TBCD: variants seen among roughly 807,000 people sequenced by gnomAD.
TBCD encodes the protein tubulin-specific chaperone D.
TBCD carries 105 observed loss-of-function variants against 169.3 expected under a neutral mutation model. The observed-to-expected ratio is 0.62, with a 90% confidence interval of 0.53 to 0.73. The LOEUF (loss-of-function observed/expected upper bound fraction) is 0.73. Ranked by LOEUF, TBCD falls within the 30% of genes least tolerant of loss-of-function variation. TBCD has a pLI of 0.00. For missense variants in TBCD, 1,444 were observed against 1,600.1 expected (o/e 0.90, Z 1.66); for synonymous variants, 700 against 643.9 (o/e 1.09, Z -1.32).
intron 17 of TBCD, among the ~76,000 whole-genome samples, chr17:82,899,276 G>A (rs542037912): frequency 1.3e-4 from 19 of 147,890 alleles, no homozygotes; most frequent in East Asian, 2.0e-4. Flanking sequence ...TGTCCTCAGC[G>A]CGTGTGTCCT....
At chr17:82,754,242 GTGGC>G (rs1274774707) in intron 1 of TBCD, among the ~76,000 whole-genome samples, 2 of 152,244 alleles carry the variant, frequency 1.3e-5, no homozygotes, top group East Asian at 3.9e-4. Context: ...AAGGGTGGGG[GTGGC>G]TGATTGGTTA....
At chr17:82,757,634 AAACC>A (rs1307551151) in intron 2 of TBCD, among the ~76,000 whole-genome samples, 2,802 of 151,728 alleles carry the variant, frequency 0.018, 81 homozygotes, top group African/African-American at 0.065. Context: ...AAAAAAAAAA[AAACC>A]AAAAAAAACC....
At chr17:82,824,975 C>T (rs998959881) in intron 13 of TBCD, among the ~76,000 whole-genome samples, 8 of 151,448 alleles carry the variant, frequency 5.3e-5, no homozygotes, top group African/African-American at 7.3e-5. Context: ...CTCTAGGAAT[C>T]GATTTTGCTT....
chr17:82,924,139 A>G (rs1484475915), intron 26 of TBCD, among the ~76,000 whole-genome samples: 1 of 152,090 alleles, frequency 6.6e-6, no homozygotes, highest in Non-Finnish European at 1.5e-5. Flanking sequence ...TTTTTAGTAG[A>G]GACGGGGTTT....
rs774443883 is a variant in TBCD, at chr17:82,800,991, A to G, written c.945A>G (p.Ala315=). 3 of 1,385,224 alleles carry G rather than the reference A, an allele frequency of 2.2e-6. No individual in the cohort carries two copies. Among genetic ancestry groups the G allele is most frequent in the East Asian group, 4.1e-5 (1 of 24,528 alleles). The allele number at this position is 1,385,224 out of a possible 1,614,324, so 85.8% of individuals were successfully genotyped here. ...GLTFLKPKVA[A]WRYQRGCRSL... The stretch of plus-strand genomic sequence containing the variant: ...CATTCCTGAAGCCGAAGGTGGCAGC[A>G]TGGAGGTAGGCACCATGAGGGCGGT... The change falls in exon 9 of 39, where the codon GCA becomes GCG. Residue 315 remains alanine, a synonymous_variant. Transcript: ENST00000355528.
Position 82,893,607 on chromosome 17 carries a change from A to G in TBCD, c.1624A>G (p.Arg542Gly). The change falls in exon 17 of 39, where the codon AGA becomes GGA. Residue 542 changes from arginine (R) to glycine (G), a missense_variant. Physicochemically the swap from Arg to Gly is moderately radical, Grantham distance 125. Transcript: ENST00000355528. ...AGCTGACTATTTTGCCGTCGGTAACAGATCCAACTGTTTCCTGGTTATAAG... is the reference window on the plus strand; with the variant it reads ...AGCTGACTATTTTGCCGTCGGTAACGGATCCAACTGTTTCCTGGTTATAAG... ...TTADYFAVGN[R>G]SNCFLVISVF... is the part of the protein sequence containing the mutation. The G allele has an allele frequency of 5.0e-6, 8 of 1,610,880 alleles. No individual in the cohort carries two copies. Among genetic ancestry groups the G allele is most frequent in the Non-Finnish European group, 6.8e-6 (8 of 1,178,410 alleles).
At chr17:82,762,297 T>A (rs11868810) in intron 2 of TBCD, among the ~76,000 whole-genome samples, 1 of 133,478 alleles carries the variant, frequency 7.5e-6, no homozygotes, top group Non-Finnish European at 1.6e-5. Context: ...GCCTGGGTGA[T>A]AGAGCGAGAC....
intron 5 of TBCD, among the ~76,000 whole-genome samples, chr17:82,769,190 G>A (rs2048177730): frequency 6.6e-6 from 1 of 152,196 alleles, no homozygotes; most frequent in African/African-American, 2.4e-5. Flanking sequence ...GTTAAAACTC[G>A]ACATGGGCAG....
intron 4 of TBCD, among the ~76,000 whole-genome samples, chr17:82,767,084 G>A (rs1036853533): frequency 6.6e-6 from 1 of 152,232 alleles, no homozygotes; most frequent in Admixed American, 6.5e-5. Context: ...CATCAGGCAG[G>A]GCTTGGTGGG....
At chr17:82,774,577 C>T (rs1371672967) in intron 6 of TBCD, among the ~76,000 whole-genome samples, 4 of 152,212 alleles carry the variant, frequency 2.6e-5, no homozygotes, top group Admixed American at 6.5e-5. Context: ...ACCTCCCAGA[C>T]GGGGTGGCAG....
rs61103963 is a variant in TBCD, at chr17:82,940,229, A to ACACACT, written c.3479+758_3479+759insTCACAC. Among the ~76,000 whole-genome samples the ACACACT allele has an allele frequency of 2.0e-3, 287 of 145,558 alleles. 1 individual carries two copies. Among genetic ancestry groups the ACACACT allele is most frequent in the Non-Finnish European group, 3.0e-3 (194 of 63,818 alleles). Reference sequence around the variant, plus strand: ...TGCTCACTTGCACGCGCGCACACACACACACACACACACACACTTCTAAAA... The same window carrying ACACACT: ...TGCTCACTTGCACGCGCGCACACACACACACTCACACACACACACACACTTCTAAAA... On this transcript the variant is annotated intron_variant, in intron 37 of 38. Coordinates refer to ENST00000355528, the MANE Select transcript of TBCD (RefSeq NM_005993.5).
At position 82,903,203 on chromosome 17, in the gene TBCD, T is replaced by C. The variant is rs760150525; in HGVS notation, c.1731-202T>C. 2.6e-5 allele frequency among the ~76,000 whole-genome samples: 4 copies of C among 152,174 alleles called. No individual in the cohort carries two copies. Among genetic ancestry groups the C allele is most frequent in the East Asian group, 1.9e-4 (1 of 5,184 alleles). On this transcript the variant is annotated intron_variant, in intron 18 of 38. Transcript: ENST00000355528. This position sits in a 1 kb window ranked among gnomAD's most constrained non-coding sequence, Gnocchi z 4.8. ...TCCCAAGAAGAACCGTGGTTAGCCG[T>C]GTGACCTCGCTGTTGTAGACTGTCC...
intron 33 of TBCD, among the ~76,000 whole-genome samples, chr17:82,931,049 C>G (rs531427883): frequency 1.4e-4 from 22 of 152,338 alleles, no homozygotes; most frequent in African/African-American, 5.3e-4. Context: ...GATGGAATGT[C>G]AAGTGAGAAA....
intron 12 of TBCD, 107 bp from the exon 13 acceptor site, chr17:82,814,733 A>G (rs1448038317): frequency 1.2e-5 from 13 of 1,058,340 alleles, no homozygotes; most frequent in Middle Eastern, 2.0e-4. Context: ...CGTGAGCCTT[A>G]CAGGCAGAGG....
intron 13 of TBCD, among the ~76,000 whole-genome samples, chr17:82,846,729 C>T (rs1475947807): frequency 6.6e-6 from 1 of 152,242 alleles, no homozygotes; most frequent in Non-Finnish European, 1.5e-5. Flanking sequence ...ACAGCCCTTC[C>T]CCTGTGTTAC....
chr17:82,884,397 CG>C lies in TBCD; in HGVS notation c.1533+197del, dbSNP rs2058584749. On this transcript the variant is annotated intron_variant, in intron 15 of 38. Coordinates refer to ENST00000355528, the MANE Select transcript of TBCD (RefSeq NM_005993.5). This position sits in a 1 kb window ranked among gnomAD's most constrained non-coding sequence, Gnocchi z 4.2. Reference sequence around the variant, plus strand: ...CTGGGCGTCTTCAGCGTGTGAAGGGCGGTCAGGGTTAAGCATCCCCAGAGCT... The same window carrying C: ...CTGGGCGTCTTCAGCGTGTGAAGGGCGTCAGGGTTAAGCATCCCCAGAGCT... Among the ~76,000 whole-genome samples the C allele has an allele frequency of 6.6e-6, 1 of 152,152 alleles. No individual in the cohort carries two copies. The highest frequency in any genetic ancestry group is 1.5e-5 in the Non-Finnish European group (1 of 68,026).
chr17:82,932,182 TTC>T (rs60085459), intron 33 of TBCD: 12,572 of 217,700 alleles, frequency 0.058, 1,076 homozygotes, highest in African/African-American at 0.22. Flanking sequence ...CACTGAGATT[TTC>T]TGTTTTGTCC....
intron 13 of TBCD, chr17:82,858,753 C>A: frequency 1.4e-6 from 1 of 716,668 alleles, no homozygotes; most frequent in Non-Finnish European, 1.7e-6. Flanking sequence ...TGTGAAGGGC[C>A]TGTCGGTGTG....
chr17:82,815,739 A>T (rs2051841845), intron 13 of TBCD, among the ~76,000 whole-genome samples: 1 of 152,132 alleles, frequency 6.6e-6, no homozygotes. Flanking sequence ...GACACCTGAG[A>T]TGTGGTGGCC....
Sources: gnomAD v4.1 joint callset for allele counts (sites outside exome capture counted in the v4.1 genomes callset) on GRCh38, gnomAD v4.1.1 for gene constraint, Gnocchi (gnomAD v3.1) non-coding constraint, MANE v1.5 for transcripts, NCBI Gene and HGNC (gene_info 2026-07-23, HGNC 2026-07-21) for gene names.